Variants in LRRC4C observed in about 807,000 individuals in gnomAD.
LRRC4C encodes leucine rich repeat containing 4C, also known as leucine-rich repeat-containing protein 4C.
Under a neutral mutation model 33.6 loss-of-function variants are expected in LRRC4C, and 5 were observed. That is an observed-to-expected ratio of 0.15 (90% CI 0.08 to 0.31). LRRC4C has a LOEUF of 0.31. Among genes scored for constraint, LRRC4C ranks in the 10% least tolerant of loss-of-function variants. The pLI, the probability that LRRC4C is intolerant of heterozygous loss-of-function variation, is 1.00. For synonymous variants in LRRC4C, 329 were observed against 302.0 expected (o/e 1.09, Z -0.93); for missense variants, 560 against 796.7 (o/e 0.70, Z 3.58).
At chr11:40,445,090 T>A (rs1951570067) in intron 3 of LRRC4C, among the ~76,000 whole-genome samples, 1 of 152,162 alleles carries the variant, frequency 6.6e-6, no homozygotes, top group South Asian at 2.1e-4. Flanking sequence ...ACGGTATTTG[T>A]TGCCAAGGCT....
At chr11:40,195,341 G>T (rs576574595) in intron 5 of LRRC4C, among the ~76,000 whole-genome samples, 48 of 152,282 alleles carry the variant, frequency 3.2e-4, no homozygotes, top group Admixed American at 7.8e-4. Context: ...TAAACAGCCT[G>T]CAATGTGTGG....
intron 3 of LRRC4C, among the ~76,000 whole-genome samples, chr11:40,574,608 A>G (rs1406837995): frequency 6.6e-6 from 1 of 152,130 alleles, no homozygotes; most frequent in African/African-American, 2.4e-5. Context: ...AATGTATTCA[A>G]ACCTCCTATC....
chr11:41,456,056 A>G (rs573263532), intron 1 of LRRC4C, among the ~76,000 whole-genome samples: 2 of 152,126 alleles, frequency 1.3e-5, no homozygotes, highest in African/African-American at 4.8e-5. Flanking sequence ...TTTGTAATTT[A>G]TTGGGGTCCC....
At chr11:40,401,038 A>ATGGTTGAT (rs1273472571) in intron 3 of LRRC4C, among the ~76,000 whole-genome samples, 1 of 152,150 alleles carries the variant, frequency 6.6e-6, no homozygotes, top group East Asian at 1.9e-4. Context: ...TATTAAAAGG[A>ATGGTTGAT]TGGTTGATTG....
intron 2 of LRRC4C, among the ~76,000 whole-genome samples, chr11:40,926,394 C>T (rs1031034003): frequency 6.6e-6 from 1 of 152,028 alleles, no homozygotes; most frequent in African/African-American, 2.4e-5. Flanking sequence ...ATGATTAATG[C>T]TCATTAATGA....
At chr11:41,315,693 G>A (rs554080681) in intron 1 of LRRC4C, among the ~76,000 whole-genome samples, 3 of 152,294 alleles carry the variant, frequency 2.0e-5, no homozygotes, top group East Asian at 3.9e-4. Flanking sequence ...GAAACTATAA[G>A]GGAATGAATG....
intron 3 of LRRC4C, among the ~76,000 whole-genome samples, chr11:40,499,523 T>C (rs1212051417): frequency 2.6e-5 from 4 of 152,274 alleles, no homozygotes; most frequent in East Asian, 1.9e-4. Flanking sequence ...AACTTGCCCA[T>C]TATGTGACTG....
At chr11:40,980,619 T>C (rs374823870) in intron 1 of LRRC4C, among the ~76,000 whole-genome samples, 1 of 152,122 alleles carries the variant, frequency 6.6e-6, no homozygotes, top group African/African-American at 2.4e-5. Context: ...GATCAAAAAC[T>C]GAGACTTCCT....
chr11:40,936,025 T>TAC (rs1957870189), intron 1 of LRRC4C, among the ~76,000 whole-genome samples: 1 of 43,438 alleles, frequency 2.3e-5, no homozygotes, highest in Non-Finnish European at 4.5e-5. Flanking sequence ...TATATATATA[T>TAC]ATATATATAT....
At chr11:41,397,543 T>C (rs1289295734) in intron 1 of LRRC4C, among the ~76,000 whole-genome samples, 1 of 151,938 alleles carries the variant, frequency 6.6e-6, no homozygotes, top group Non-Finnish European at 1.5e-5. Flanking sequence ...TGATAAGGTT[T>C]CTGGTCAGCA....
At chr11:41,222,165 C>A (rs749984329) in intron 1 of LRRC4C, among the ~76,000 whole-genome samples, 4 of 152,130 alleles carry the variant, frequency 2.6e-5, no homozygotes, top group Admixed American at 2.0e-4. Flanking sequence ...CTGTAGATTA[C>A]GATTCTACTT....
intron 1 of LRRC4C, among the ~76,000 whole-genome samples, chr11:41,252,726 T>C (rs950805931): frequency 2.0e-5 from 3 of 152,150 alleles, no homozygotes; most frequent in African/African-American, 7.2e-5. Flanking sequence ...GAGATTTAAT[T>C]GACTCACAGT....
intron 3 of LRRC4C, among the ~76,000 whole-genome samples, chr11:40,336,772 C>T (rs954538378): frequency 1.3e-5 from 2 of 151,776 alleles, no homozygotes; most frequent in African/African-American, 2.4e-5. Context: ...GTCAGGAGAT[C>T]GAGACCATCC....
rs1224718731 is a variant in LRRC4C, at chr11:40,401,525, G to A, written c.-269-81804C>T. 3.9e-5 allele frequency among the ~76,000 whole-genome samples: 6 copies of A among 152,206 alleles called. No individual in the cohort carries two copies. In the East Asian group the frequency reaches 1.2e-3, roughly 30 times the overall value. On this transcript the variant is annotated intron_variant, in intron 3 of 6. Transcript: ENST00000528697. ...AACATTCTGTATTAGAAGTTCCAGT[G>A]GGTGCATCATATGTCGATTGCTTTC...
chr11:41,321,025 T>A (rs1415314895), intron 1 of LRRC4C, among the ~76,000 whole-genome samples: 2 of 152,190 alleles, frequency 1.3e-5, no homozygotes, highest in Non-Finnish European at 2.9e-5. Flanking sequence ...TCATGTAGAG[T>A]TTTCTTCATA....
At chr11:40,127,575 G>A (rs1856346859) in intron 6 of LRRC4C, among the ~76,000 whole-genome samples, 2 of 152,114 alleles carry the variant, frequency 1.3e-5, no homozygotes, top group African/African-American at 2.4e-5. Flanking sequence ...GGAATGATGA[G>A]AATATTGTTT....
At position 41,335,357 on chromosome 11, in the gene LRRC4C, A is replaced by G. The variant is rs149884868; in HGVS notation, c.-496+124074T>C. 9.5e-3 allele frequency among the ~76,000 whole-genome samples: 1,450 copies of G among 152,286 alleles called. 22 individuals are homozygous for G. The highest frequency in any genetic ancestry group is 0.033 in the African/African-American group (1,379 of 41,550). On this transcript the variant is annotated intron_variant, in intron 1 of 6. Coordinates refer to ENST00000528697, the MANE Select transcript of LRRC4C (RefSeq NM_001258419.2). ...TTTAAGGGAAAGAATTTCAACTTTC[A>G]TTCCTTCCTACCAAAATGTTACCCA...
At chr11:40,179,879 T>A (rs1411658636) in intron 5 of LRRC4C, among the ~76,000 whole-genome samples, 1 of 152,230 alleles carries the variant, frequency 6.6e-6, no homozygotes, top group African/African-American at 2.4e-5. Context: ...ATGTTGAGAA[T>A]CTGTCTCCTT....
chr11:40,343,711 G>GAAAAAAA lies in LRRC4C; in HGVS notation c.-269-23997_-269-23991dup, dbSNP rs5791374. On this transcript the variant is annotated intron_variant, in intron 3 of 6. Transcript: ENST00000528697. ...TAACGAATCCAGGAGTTGTTTTTTTGAAAAAAAAAAAAAAAGAGAGAGACA... is the reference window on the plus strand; with the variant it reads ...TAACGAATCCAGGAGTTGTTTTTTTGAAAAAAAAAAAAAAAAAAAAAAGAGAGAGACA... 7.7e-4 allele frequency among the ~76,000 whole-genome samples: 81 copies of GAAAAAAA among 104,686 alleles called. 1 individual carries two copies. Among genetic ancestry groups the GAAAAAAA allele is most frequent in the East Asian group, 4.3e-3 (12 of 2,812 alleles). 68.7% of individuals were successfully genotyped at this position (104,686 alleles called of 152,430 possible).
Sources: allele counts gnomAD v4.1 joint callset (sites outside exome capture counted in the v4.1 genomes callset), GRCh38; gene constraint gnomAD v4.1.1; transcripts MANE v1.5; gene names NCBI Gene and HGNC (gene_info 2026-07-23, HGNC 2026-07-21).